The following ALDH1A2 variants were observed in gnomAD, a reference collection of about 807,000 sequenced individuals.
ALDH1A2 encodes retinal dehydrogenase 2.
In ALDH1A2, 27 loss-of-function variants were observed where a neutral mutation model predicts 60.3. The ratio of observed to expected loss-of-function variants is 0.45; its 90% confidence interval spans 0.33 to 0.62. The LOEUF is 0.62. Ranked by LOEUF, ALDH1A2 falls within the 20% of genes least tolerant of loss-of-function variation. The pLI is 0.02. For synonymous variants in ALDH1A2, 289 were observed against 232.4 expected (o/e 1.24, Z -2.21); for missense variants, 581 against 643.8 (o/e 0.90, Z 1.06).
chr15:58,052,274 A>G (rs1387632305), intron 1 of ALDH1A2, among the ~76,000 whole-genome samples: 1 of 152,094 alleles, frequency 6.6e-6, no homozygotes, highest in Non-Finnish European at 1.5e-5. Flanking sequence ...GCAGTTCAGT[A>G]TTGTCTTTCA....
chr15:57,962,939 G>C (rs1441443075), intron 9 of ALDH1A2, among the ~76,000 whole-genome samples: 1 of 152,168 alleles, frequency 6.6e-6, no homozygotes, highest in African/African-American at 2.4e-5. Flanking sequence ...ATTCCCTTTA[G>C]AAATATGCCT....
At chr15:58,010,034 T>C (rs547534273) in intron 4 of ALDH1A2, among the ~76,000 whole-genome samples, 159 of 152,252 alleles carry the variant, frequency 1.0e-3, no homozygotes, top group African/African-American at 3.6e-3. Flanking sequence ...AACACTCCTA[T>C]AGGGGCCTTT....
chr15:58,023,991 G>C (rs1323985444), intron 1 of ALDH1A2, among the ~76,000 whole-genome samples: 2 of 152,206 alleles, frequency 1.3e-5, no homozygotes, highest in Non-Finnish European at 2.9e-5. Flanking sequence ...TACTGGGAAG[G>C]CTGAGGCAGG....
intron 1 of ALDH1A2, among the ~76,000 whole-genome samples, chr15:58,053,544 T>C (rs987891749): frequency 5.3e-5 from 8 of 152,186 alleles, no homozygotes; most frequent in Non-Finnish European, 1.0e-4. Flanking sequence ...AAGTGTACTT[T>C]ATGTACCCCT....
chr15:58,013,371 C>T (rs892854934), intron 3 of ALDH1A2, among the ~76,000 whole-genome samples: 1 of 152,036 alleles, frequency 6.6e-6, no homozygotes, highest in Non-Finnish European at 1.5e-5. Flanking sequence ...AAGGTACTTA[C>T]CAGTCATGGC....
At chr15:57,990,303 G>A (rs566748212) in intron 7 of ALDH1A2, 2 of 152,192 alleles carry the variant, frequency 1.3e-5, no homozygotes, top group African/African-American at 2.4e-5. Flanking sequence ...ACACATATAC[G>A]TGTGTGTATA....
At chr15:57,968,390 C>T (rs1893960534) in intron 7 of ALDH1A2, among the ~76,000 whole-genome samples, 1 of 152,192 alleles carries the variant, frequency 6.6e-6, no homozygotes, top group Non-Finnish European at 1.5e-5. Flanking sequence ...TGGTTCATGA[C>T]AGAACCTGTT....
chr15:57,983,826 C>T (rs913615734), intron 7 of ALDH1A2, among the ~76,000 whole-genome samples: 3 of 152,152 alleles, frequency 2.0e-5, no homozygotes, highest in African/African-American at 2.4e-5. Flanking sequence ...TCTATAAGTG[C>T]TTGATAAATG....
At chr15:58,065,037 G>T (rs556603353) in intron 1 of ALDH1A2, among the ~76,000 whole-genome samples, 1 of 152,220 alleles carries the variant, frequency 6.6e-6, no homozygotes, top group Admixed American at 6.5e-5. Flanking sequence ...CAGAGCGCTG[G>T]TGTCTTGACA....
intron 2 of ALDH1A2, 35 bp from the exon 3 acceptor site, chr15:58,014,033 C>T: frequency 6.2e-7 from 1 of 1,614,088 alleles, no homozygotes; most frequent in Non-Finnish European, 8.5e-7. Context: ...TGAAGAAAAA[C>T]ACTCCAAATA....
At chr15:58,028,563 A>G (rs1212368214) in intron 1 of ALDH1A2, among the ~76,000 whole-genome samples, 1 of 152,206 alleles carries the variant, frequency 6.6e-6, no homozygotes, top group Non-Finnish European at 1.5e-5. Flanking sequence ...ATTAACCTTA[A>G]ATGTAAATGG....
At chr15:57,992,648 A>C in intron 7 of ALDH1A2, 57 bp downstream of exon 7, 2 of 1,471,650 alleles carry the variant, frequency 1.4e-6, no homozygotes, top group Non-Finnish European at 1.9e-6. Context: ...TTGTTTTTGT[A>C]ACCCCTCAAC....
chr15:58,061,629 G>C (rs1198524056), intron 1 of ALDH1A2, among the ~76,000 whole-genome samples: 5 of 91,176 alleles, frequency 5.5e-5, no homozygotes, highest in African/African-American at 1.7e-4. Flanking sequence ...AAAAAAAACG[G>C]AACAAAACGA....
chr15:58,008,303 C>A (rs1415818530), intron 4 of ALDH1A2, among the ~76,000 whole-genome samples: 2 of 152,008 alleles, frequency 1.3e-5, no homozygotes, highest in Non-Finnish European at 2.9e-5. Flanking sequence ...CCTTCATTGA[C>A]TGAACAACAG....
At chr15:57,974,968 A>G (rs1280438370) in intron 7 of ALDH1A2, among the ~76,000 whole-genome samples, 1 of 152,252 alleles carries the variant, frequency 6.6e-6, no homozygotes, top group Non-Finnish European at 1.5e-5. Context: ...ACACAAATGA[A>G]AAGACACTCA....
intron 1 of ALDH1A2, among the ~76,000 whole-genome samples, chr15:58,040,943 A>T (rs771379082): frequency 1.7e-4 from 26 of 151,902 alleles, no homozygotes; most frequent in Non-Finnish European, 3.7e-4. Context: ...CCCCCCAGTT[A>T]GGAACACAGT....
At position 58,005,084 on chromosome 15, in the gene ALDH1A2, C is replaced by T. The variant is rs140575683; in HGVS notation, c.493+5565G>A. ...CAGCATGGCTGACCCAGACTTGGGG[C>T]TCTACTGTCTTTCATATCTGCTTAT... On this transcript the variant is annotated intron_variant, in intron 4 of 12. Coordinates refer to ENST00000249750, the MANE Select transcript of ALDH1A2 (RefSeq NM_003888.4). 3.3e-3 allele frequency among the ~76,000 whole-genome samples: 499 copies of T among 151,914 alleles called. 7 individuals carry two copies. The South Asian group carries it at 0.039, about 12-fold the overall frequency.
chr15:58,036,468 C>T (rs1157721552), intron 1 of ALDH1A2: 2 of 151,532 alleles, frequency 1.3e-5, no homozygotes, highest in Admixed American at 6.6e-5. Context: ...AGTTATGGCT[C>T]TTAGTTGAAA....
intron 7 of ALDH1A2, among the ~76,000 whole-genome samples, chr15:57,966,083 C>T (rs1893887372): frequency 6.6e-6 from 1 of 152,220 alleles, no homozygotes; most frequent in Non-Finnish European, 1.5e-5. Context: ...AATCTGGAAT[C>T]TTAATCACTG....
Sources: allele counts gnomAD v4.1 joint callset (sites outside exome capture counted in the v4.1 genomes callset), GRCh38; gene constraint gnomAD v4.1.1; transcripts MANE v1.5; gene names NCBI Gene and HGNC (gene_info 2026-07-23, HGNC 2026-07-21).